Variants in SPTBN1 observed in about 807,000 individuals in gnomAD.
SPTBN1 encodes the protein spectrin beta chain, non-erythrocytic 1.
SPTBN1 carries 32 observed loss-of-function variants against 266.4 expected under a neutral mutation model. The ratio of observed to expected loss-of-function variants is 0.12; its 90% CI spans 0.09 to 0.16. The LOEUF (loss-of-function observed/expected upper bound fraction) is 0.16, where lower values mean the gene tolerates loss of function less well. SPTBN1 is among the 10% of genes least tolerant of loss of function. SPTBN1 has a pLI of 1.00. For synonymous variants in SPTBN1, 1,336 were observed against 1,162.2 expected (o/e 1.15, Z -3.04); for missense variants, 2,296 against 3,067.1 (o/e 0.75, Z 5.94).
intron 1 of SPTBN1, among the ~76,000 whole-genome samples, chr2:54,519,796 G>GTTTCTCA (rs1334552766): frequency 2.6e-5 from 4 of 152,178 alleles, no homozygotes; most frequent in Non-Finnish European, 4.4e-5. Context: ...GCTGGAATGA[G>GTTTCTCA]AAACTCCTGC....
In SPTBN1 at chr2:54,653,472, A is replaced by G; in HGVS notation, c.5578-137A>G. 2 of 1,380,788 alleles carry G rather than the reference A, an allele frequency of 1.4e-6. No homozygotes were observed. The highest frequency in any genetic ancestry group is 1.5e-5 in the South Asian group (1 of 65,734). The allele number at this position is 1,380,788 out of a possible 1,614,324, so 85.5% of individuals were successfully genotyped here. ...GACTTGGATCTCCCCAGTGAAATTG[A>G]GGGCTCCTTAAGGGGCATGGGCCAT... On this transcript the variant is annotated intron_variant, in intron 26 of 35. Transcript: ENST00000356805. The surrounding 1 kb of genome is among the most constrained non-coding windows in gnomAD (Gnocchi z 5.1).
chr2:54,546,958 T>TAAA (rs71975342), intron 2 of SPTBN1, among the ~76,000 whole-genome samples: 49 of 144,112 alleles, frequency 3.4e-4, no homozygotes, highest in East Asian at 1.6e-3. Flanking sequence ...TTAATGGTGG[T>TAAA]AAAAAAAAAA....
At chr2:54,465,639 CATATATATAT>C (rs70944167) in intron 1 of SPTBN1, among the ~76,000 whole-genome samples, 11 of 116,360 alleles carry the variant, frequency 9.5e-5, no homozygotes, top group South Asian at 3.1e-4. Context: ...ATGTTTATCT[CATATATATAT>C]ATATATATAT....
chr2:54,647,055 G>C, intron 23 of SPTBN1, 76 bp from the exon 24 acceptor site: 3 of 1,605,258 alleles, frequency 1.9e-6, no homozygotes, highest in Non-Finnish European at 2.6e-6. Context: ...ACCCTGCTGA[G>C]CAGCTGGTCT....
At chr2:54,623,052 AC>A (rs1678097277) in intron 9 of SPTBN1, among the ~76,000 whole-genome samples, 1 of 152,322 alleles carries the variant, frequency 6.6e-6, no homozygotes, top group Non-Finnish European at 1.5e-5. Context: ...TCTATTGCTT[AC>A]CATAGTTCCA....
At chr2:54,519,059 A>G (rs1670274584) in intron 1 of SPTBN1, among the ~76,000 whole-genome samples, 1 of 152,202 alleles carries the variant, frequency 6.6e-6, no homozygotes, top group African/African-American at 2.4e-5. Context: ...TACCAGATCT[A>G]TCTAAATCAG....
intron 1 of SPTBN1, among the ~76,000 whole-genome samples, chr2:54,483,728 G>T (rs969922838): frequency 2.0e-5 from 3 of 152,224 alleles, no homozygotes; most frequent in African/African-American, 7.2e-5. Flanking sequence ...TGATTTAGGG[G>T]TGTGACCCCC....
In SPTBN1 at chr2:54,647,242, G is replaced by A; in HGVS notation, c.4978G>A (p.Ala1660Thr). 6.2e-7 allele frequency: 1 copy of A among 1,613,962 alleles called. No homozygotes were observed. The highest frequency in any genetic ancestry group is 8.5e-7 in the Non-Finnish European group (1 of 1,180,042). Residue 1660 changes from alanine (A) to threonine (T), a missense_variant, in exon 24 of 36, where the codon GCC (alanine) becomes ACC (threonine). Physicochemically the swap from Ala to Thr is moderately conservative, Grantham distance 58. Coordinates refer to ENST00000356805, the MANE Select transcript of SPTBN1 (RefSeq NM_003128.3). The stretch of plus-strand genomic sequence containing the variant: ...CTCCAAGACCAGCCGGGCCCTGGTG[G>A]CCGACAGCCATCCTGAAAGGTGAGC... ...QLSKTSRALV[A>T]DSHPESERIS...
chr2:54,483,343 C>T (rs1668193412), intron 1 of SPTBN1, among the ~76,000 whole-genome samples: 1 of 152,182 alleles, frequency 6.6e-6, no homozygotes, highest in Admixed American at 6.5e-5. Context: ...TTTGTTCAGA[C>T]ATAGCACATA....
At chr2:54,486,929 A>G (rs4671942) in intron 1 of SPTBN1, among the ~76,000 whole-genome samples, 91,967 of 151,868 alleles carry the variant, frequency 0.61, 29,259 homozygotes, top group African/African-American at 0.81. Context: ...ACAAGCAAAC[A>G]TAAGTGTTGG....
In SPTBN1 at chr2:54,644,224, G is replaced by A. The variant is rs73937512; in HGVS notation, c.4006-99G>A. 1.8e-3 allele frequency: 2,573 copies of A among 1,461,996 alleles called. 40 individuals carry two copies. The African/African-American group carries it at 0.032, about 18-fold the overall frequency. The allele number at this position is 1,461,996 out of a possible 1,614,324, so 90.6% of individuals were successfully genotyped here. On this transcript the variant is annotated intron_variant, in intron 19 of 35. Coordinates refer to ENST00000356805, the MANE Select transcript of SPTBN1 (RefSeq NM_003128.3). ...AAAGACTGTGTGTATTGAGTGAATGGTTAAATCACAGATCAAATGTCCTAG... is the reference window on the plus strand; with the variant it reads ...AAAGACTGTGTGTATTGAGTGAATGATTAAATCACAGATCAAATGTCCTAG...
In SPTBN1 at chr2:54,465,666, A is replaced by ATATATATATATATATATATC. The variant is rs1408352073; in HGVS notation, c.-48+9151_-48+9152insATATATATATATATATCTAT. 6.5e-5 allele frequency among the ~76,000 whole-genome samples: 9 copies of ATATATATATATATATATATC among 137,814 alleles called. No homozygotes were observed. In the East Asian group the frequency reaches 1.5e-3, roughly 23 times the overall value. 90.4% of individuals were successfully genotyped at this position (137,814 alleles called of 152,430 possible). A position where few individuals can be genotyped will look rare whatever the true frequency, so the allele number is the denominator to read the frequency against. On this transcript the variant is annotated intron_variant, in intron 1 of 35. Coordinates refer to ENST00000356805, the MANE Select transcript of SPTBN1 (RefSeq NM_003128.3). ...TATATATATATATATATATATATAT[A>ATATATATATATATATATATC]TATCTCACACATGGGAGAGAGAGGT...
At chr2:54,567,395 A>G (rs1043700004) in intron 2 of SPTBN1, among the ~76,000 whole-genome samples, 4 of 152,050 alleles carry the variant, frequency 2.6e-5, no homozygotes, top group Admixed American at 6.5e-5. Flanking sequence ...GCTGGAGTGC[A>G]GTGGCACAAT....
chr2:54,579,862 A>G (rs1674759836), intron 2 of SPTBN1, among the ~76,000 whole-genome samples: 1 of 152,256 alleles, frequency 6.6e-6, no homozygotes, highest in South Asian at 2.1e-4. Context: ...AGCCCACAGC[A>G]GTTAACTGTA....
At chr2:54,524,944 C>T (rs1279782511) in intron 1 of SPTBN1, among the ~76,000 whole-genome samples, 1 of 103,992 alleles carries the variant, frequency 9.6e-6, no homozygotes, top group East Asian at 2.4e-4. Flanking sequence ...CATGACTCTG[C>T]TGTCATTTTT....
At chr2:54,616,344 G>T in intron 5 of SPTBN1, 46 bp downstream of exon 5, 1 of 1,539,802 alleles carries the variant, frequency 6.5e-7, no homozygotes, top group South Asian at 1.1e-5. Flanking sequence ...TTCCAGGACT[G>T]AATTCCACTG....
intron 3 of SPTBN1, among the ~76,000 whole-genome samples, chr2:54,611,185 C>T (rs867752435): frequency 6.6e-6 from 1 of 152,156 alleles, no homozygotes; most frequent in South Asian, 2.1e-4. Flanking sequence ...TTTATGCATT[C>T]ATGACATACC....
chr2:54,494,871 T>C (rs1668878870), intron 1 of SPTBN1, among the ~76,000 whole-genome samples: 1 of 151,854 alleles, frequency 6.6e-6, no homozygotes, highest in South Asian at 2.1e-4. Flanking sequence ...AATTGTGTAA[T>C]ATGCACATTG....
intron 1 of SPTBN1, among the ~76,000 whole-genome samples, chr2:54,485,691 A>C (rs1442615574): frequency 2.1e-5 from 3 of 139,988 alleles, no homozygotes; most frequent in African/African-American, 2.7e-5. Context: ...CTGGCTGCCC[A>C]GTCTGGAAAG....
Sources: gnomAD v4.1 joint callset for allele counts (sites outside exome capture counted in the v4.1 genomes callset) on GRCh38, gnomAD v4.1.1 for gene constraint, Gnocchi (gnomAD v3.1) non-coding constraint, MANE v1.5 for transcripts, NCBI Gene and HGNC (gene_info 2026-07-23, HGNC 2026-07-21) for gene names.